Variants in CCNB3 observed in about 807,000 individuals in gnomAD.
The protein encoded by CCNB3 is G2/mitotic-specific cyclin-B3.
In CCNB3, 12 loss-of-function variants were observed where a neutral mutation model predicts 68.0. The ratio of observed to expected loss-of-function variants is 0.18; its 90% CI spans 0.11 to 0.29. CCNB3 has a LOEUF of 0.29. CCNB3 is among the 10% of genes least tolerant of loss of function. CCNB3 has a pLI of 1.00. For synonymous variants in CCNB3, 354 were observed against 388.9 expected, an observed-to-expected ratio of 0.91 and a Z score of 1.06; for missense variants, 904 against 993.1, an observed-to-expected ratio of 0.91 and a Z score of 1.21.
intron 5 of CCNB3, among the ~76,000 whole-genome samples, chrX:50,303,076 C>G (rs1557212982): frequency 9.0e-6 from 1 of 111,042 alleles, no homozygotes; most frequent in African/African-American, 3.3e-5. Flanking sequence ...TACATTTCCT[C>G]CAGCAGTGTA....
rs1557214702 is a variant in CCNB3, at chrX:50,310,751, C to A, written c.2582C>A (p.Ala861Asp). 1 of 1,211,143 alleles carries A rather than the reference C, an allele frequency of 8.3e-7. No homozygotes were observed. Among genetic ancestry groups the A allele is most frequent in the Admixed American group, 2.2e-5 (1 of 45,905 alleles). ...GAAGCTCACTTTAAGGAAACTTTGG[C>A]CTTGCAGGAGAAGCCCAGCATTGAG... ...DTEAHFKETL[A>D]LQEKPSIEQE... The change falls in exon 6 of 13, where the codon GCC becomes GAC. Residue 861 changes from alanine (A) to aspartate (D), a missense_variant. Physicochemically the swap from Ala to Asp is moderately radical, Grantham distance 126. Transcript: ENST00000376042.
chrX:50,315,161 T>A (rs1433967986), intron 8 of CCNB3, among the ~76,000 whole-genome samples: 1 of 111,222 alleles, frequency 9.0e-6, no homozygotes, highest in African/African-American at 3.3e-5. Flanking sequence ...GGGGTGCATC[T>A]CAGAATCAGA....
At chrX:50,319,288 C>T (rs977331724) in intron 8 of CCNB3, among the ~76,000 whole-genome samples, 9 of 111,241 alleles carry the variant, frequency 8.1e-5, no homozygotes, top group Non-Finnish European at 1.7e-4. Flanking sequence ...TATGTCTCTC[C>T]ATTTATTTAA....
At chrX:50,219,979 T>G (rs1935642214) in intron 1 of CCNB3, among the ~76,000 whole-genome samples, 1 of 111,214 alleles carries the variant, frequency 9.0e-6, no homozygotes, top group Admixed American at 9.6e-5. Flanking sequence ...CGTGAAGAGG[T>G]CCTTCAAATC....
At chrX:50,202,805 G>A (rs1046735261), upstream of CCNB3, 2 of 111,096 alleles carry the variant, frequency 1.8e-5, no homozygotes, top group Non-Finnish European at 3.8e-5. Flanking sequence ...GGCTAACCAG[G>A]AGCAGGTAAG....
At chrX:50,301,521 G>A (rs782541385) in intron 5 of CCNB3, among the ~76,000 whole-genome samples, 22 of 111,875 alleles carry the variant, frequency 2.0e-4, no homozygotes, top group African/African-American at 5.8e-4. Flanking sequence ...GTACCTGGCC[G>A]TGTGAGGTGT....
chrX:50,228,603 T>C (rs923264566), intron 1 of CCNB3, among the ~76,000 whole-genome samples: 2 of 84,908 alleles, frequency 2.4e-5, no homozygotes, highest in Non-Finnish European at 2.2e-5. Context: ...AGATAATATA[T>C]ATAGAATATA....
intron 8 of CCNB3, 93 bp downstream of exon 8, chrX:50,314,041 A>T (rs1268881162): frequency 7.8e-5 from 45 of 578,311 alleles, no homozygotes; most frequent in Non-Finnish European, 1.1e-4. Context: ...TACTGGGTCT[A>T]TAGAGTTGAA....
In CCNB3 at chrX:50,302,824, G is replaced by A. The variant is rs1936679675; in HGVS notation, c.336-5681G>A. Among the ~76,000 whole-genome samples, 2 of 111,991 alleles carry A rather than the reference G, an allele frequency of 1.8e-5. 1 individual carries two copies. The highest frequency in any genetic ancestry group is 3.8e-5 in the Non-Finnish European group (2 of 53,174). Reference sequence around the variant, plus strand: ...TTTTATTGCCAAGTAATATTTCATTGCATATATACAACACATTTGGTTTAC... The same window carrying A: ...TTTTATTGCCAAGTAATATTTCATTACATATATACAACACATTTGGTTTAC... On this transcript the variant is annotated intron_variant, in intron 5 of 12. Transcript: ENST00000376042.
At chrX:50,321,445 T>C (rs1156577229) in intron 8 of CCNB3, among the ~76,000 whole-genome samples, 2 of 111,807 alleles carry the variant, frequency 1.8e-5, no homozygotes, top group African/African-American at 6.5e-5. Flanking sequence ...ATTTCTACTT[T>C]TAAATCCTTA....
chrX:50,212,073 A>C (rs1935491740), intron 1 of CCNB3, among the ~76,000 whole-genome samples: 1 of 111,883 alleles, frequency 8.9e-6, no homozygotes, highest in Non-Finnish European at 1.9e-5. Context: ...GTCTTCTGAA[A>C]TTCTCAACAG....
At chrX:50,347,900 T>C in intron 11 of CCNB3, 125 bp downstream of exon 11, 1 of 649,521 alleles carries the variant, frequency 1.5e-6, no homozygotes, top group Non-Finnish European at 2.2e-6. Flanking sequence ...TATTCACCAC[T>C]GTGAACTCTA....
At chrX:50,288,099 T>G (rs1006329701) in intron 3 of CCNB3, among the ~76,000 whole-genome samples, 7 of 107,151 alleles carry the variant, frequency 6.5e-5, no homozygotes, top group African/African-American at 2.4e-4. Context: ...CTCCCACTGA[T>G]TCTACATTAT....
upstream of CCNB3, chrX:50,204,588 C>T (rs1317758234): frequency 2.8e-5 from 3 of 105,346 alleles, no homozygotes; most frequent in African/African-American, 1.0e-4. Context: ...GAGAAATTCC[C>T]TGAGAAAAAG....
chrX:50,331,331 G>A (rs1922585816), intron 8 of CCNB3, among the ~76,000 whole-genome samples: 1 of 111,538 alleles, frequency 9.0e-6, no homozygotes, highest in African/African-American at 3.3e-5. Flanking sequence ...GGATCCACAC[G>A]GTTTGCAACT....
chrX:50,297,970 C>T (rs1936518270), intron 5 of CCNB3, among the ~76,000 whole-genome samples: 1 of 111,682 alleles, frequency 9.0e-6, no homozygotes, highest in Admixed American at 9.5e-5. Context: ...GTGATTTTTG[C>T]ACATGGATTT....
At chrX:50,318,686 G>C (rs1164929705) in intron 8 of CCNB3, among the ~76,000 whole-genome samples, 3 of 111,920 alleles carry the variant, frequency 2.7e-5, no homozygotes, top group African/African-American at 9.7e-5. Flanking sequence ...GCCTGATACT[G>C]CTATCCCTAG....
chrX:50,204,293 A>G (rs1344040749), upstream of CCNB3, among the ~76,000 whole-genome samples: 10 of 111,679 alleles, frequency 9.0e-5, no homozygotes, highest in Non-Finnish European at 1.9e-5. Flanking sequence ...CATCAGAATC[A>G]CCTGGAGGGC....
chrX:50,209,894 T>C (rs1935456144), intron 1 of CCNB3, among the ~76,000 whole-genome samples: 1 of 111,841 alleles, frequency 8.9e-6, no homozygotes, highest in Non-Finnish European at 1.9e-5. Context: ...TTCCCTACCT[T>C]ATGCTTGCAT....
Sources: gnomAD v4.1 joint callset for allele counts (sites outside exome capture counted in the v4.1 genomes callset) on GRCh38, gnomAD v4.1.1 for gene constraint, MANE v1.5 for transcripts, NCBI Gene and HGNC (gene_info 2026-07-23, HGNC 2026-07-21) for gene names.